Variants in ARHGAP39 observed in about 807,000 individuals in gnomAD.
The protein encoded by ARHGAP39 is rho GTPase-activating protein 39.
A neutral mutation model predicts 106.9 loss-of-function variants in ARHGAP39; 44 were observed. The observed-to-expected ratio is 0.41, with a 90% CI of 0.32 to 0.53. The LOEUF is 0.53. ARHGAP39 is among the 20% of genes least tolerant of loss of function. ARHGAP39 has a pLI of 0.21. For synonymous variants in ARHGAP39, 768 were observed against 693.2 expected, an observed-to-expected ratio of 1.11 and a Z score of -1.69; for missense variants, 1,496 against 1,577.3, an observed-to-expected ratio of 0.95 and a Z score of 0.87.
chr8:144,561,560 G>GATCGGACCCCAGTGGTTTCC (rs1306617062), intron 3 of ARHGAP39, among the ~76,000 whole-genome samples: 13 of 113,460 alleles, frequency 1.1e-4, no homozygotes, highest in Non-Finnish European at 2.4e-4. Flanking sequence ...CAGTGGTTTC[G>GATCGGACCCCAGTGGTTTCC]ATCGGACCCC....
At chr8:144,534,055 G>A in intron 8 of ARHGAP39, 74 bp downstream of exon 8, 1 of 1,537,460 alleles carries the variant, frequency 6.5e-7, no homozygotes, top group Admixed American at 1.7e-5. Flanking sequence ...ACTGCAGGCG[G>A]GGCTCCTGGG....
chr8:144,684,557 C>G lies in ARHGAP39; in HGVS notation c.-82+1129G>C, dbSNP rs1822527348. On this transcript the variant is annotated intron_variant, in intron 1 of 11. Transcript: ENST00000377307. The surrounding 1 kb of genome is among the most constrained non-coding windows in gnomAD (Gnocchi z 4.4). ...GGGCCCGGCTGCGTTTCCGAAGCTG[C>G]GCAGCGCCCACAGCAGCTGCTGGTG... Among the ~76,000 whole-genome samples, 1 of 152,196 alleles carries G rather than the reference C, an allele frequency of 6.6e-6. No individual in the cohort carries two copies. The highest frequency in any genetic ancestry group is 1.5e-5 in the Non-Finnish European group (1 of 68,032).
At position 144,661,903 on chromosome 8, in the gene ARHGAP39, G is replaced by A. The variant is rs371975864; in HGVS notation, c.-82+23783C>T. Among the ~76,000 whole-genome samples, 102 of 61,918 alleles carry A rather than the reference G, an allele frequency of 1.6e-3. 1 individual carries two copies. The highest frequency in any genetic ancestry group is 2.5e-3 in the Non-Finnish European group (73 of 29,452). 40.6% of individuals were successfully genotyped at this position (61,918 alleles called of 152,430 possible). ...TTCACCTTGGACAACCCCCCACCCC[G>A]CCCCCCTTTCCGCATCTCCATTATC... is the stretch of plus-strand genomic sequence containing the variant. On this transcript the variant is annotated intron_variant, in intron 1 of 11. Coordinates refer to ENST00000377307, the MANE Select transcript of ARHGAP39 (RefSeq NM_025251.3).
chr8:144,555,769 C>G lies in ARHGAP39; in HGVS notation c.513-126G>C, dbSNP rs1410525827. 7.5e-6 allele frequency: 6 copies of G among 802,550 alleles called. No homozygotes were observed. The East Asian group carries it at 1.5e-4, about 21-fold the overall frequency. 49.7% of individuals were successfully genotyped at this position (802,550 alleles called of 1,614,324 possible). On this transcript the variant is annotated intron_variant, in intron 3 of 11. Transcript: ENST00000377307. Reference sequence around the variant, plus strand: ...CCTGGAAATAACCTGGCTCCTGCCCCCAGGCTGTATTCTTCATCTTCTGCC... The same window carrying G: ...CCTGGAAATAACCTGGCTCCTGCCCGCAGGCTGTATTCTTCATCTTCTGCC...
At chr8:144,553,598 G>A (rs1042907728) in intron 4 of ARHGAP39, among the ~76,000 whole-genome samples, 4 of 152,308 alleles carry the variant, frequency 2.6e-5, no homozygotes, top group East Asian at 1.9e-4. Context: ...TACTCCCGTC[G>A]ACCCAGCCTC....
In ARHGAP39 at chr8:144,548,321, C is replaced by T; in HGVS notation, c.765G>A (p.Gln255=). ...PSGSQHSPSL[Q]TFAPEADGTI... Reference sequence around the variant, plus strand: ...TGCCGTCAGCCTCCGGGGCGAAGGTCTGCAGGCTGGGTGAGTGCTGGCTGC... The same window carrying T: ...TGCCGTCAGCCTCCGGGGCGAAGGTTTGCAGGCTGGGTGAGTGCTGGCTGC... Residue 255 remains glutamine, a synonymous_variant, in exon 5 of 12, where the codon CAG becomes CAA. Coordinates refer to ENST00000377307, the MANE Select transcript of ARHGAP39 (RefSeq NM_025251.3). The surrounding 1 kb of genome is among the most constrained non-coding windows in gnomAD (Gnocchi z 7.4). The T allele has an allele frequency of 6.2e-7, 1 of 1,608,408 alleles. No individual in the cohort carries two copies. The highest frequency in any genetic ancestry group is 8.5e-7 in the Non-Finnish European group (1 of 1,176,896).
At chr8:144,651,512 G>A (rs1395348070) in intron 1 of ARHGAP39, among the ~76,000 whole-genome samples, 2 of 152,096 alleles carry the variant, frequency 1.3e-5, no homozygotes, top group South Asian at 2.1e-4. Context: ...TGACTAGCCT[G>A]GCCAACATGG....
At chr8:144,666,592 TG>T (rs955508726) in intron 1 of ARHGAP39, among the ~76,000 whole-genome samples, 1 of 152,168 alleles carries the variant, frequency 6.6e-6, no homozygotes, top group South Asian at 2.1e-4. Context: ...AATGGGTTTA[TG>T]GGGGGCTTCT....
At chr8:144,552,332 T>C (rs1817736799) in intron 4 of ARHGAP39, among the ~76,000 whole-genome samples, 1 of 152,236 alleles carries the variant, frequency 6.6e-6, no homozygotes, top group Non-Finnish European at 1.5e-5. Flanking sequence ...CTGTCGCTCC[T>C]GAGAAGCGGC....
chr8:144,569,324 G>A (rs780452231), intron 3 of ARHGAP39, among the ~76,000 whole-genome samples: 18 of 152,188 alleles, frequency 1.2e-4, no homozygotes, highest in Admixed American at 4.6e-4. Flanking sequence ...AAATAAAAAT[G>A]TATGTCCAAA....
chr8:144,633,362 G>A (rs2130981050), intron 1 of ARHGAP39, among the ~76,000 whole-genome samples: 1 of 152,188 alleles, frequency 6.6e-6, no homozygotes, highest in Middle Eastern at 3.4e-3. Flanking sequence ...GGGAGGCTGA[G>A]GCAGGAGAAT....
intron 3 of ARHGAP39, among the ~76,000 whole-genome samples, chr8:144,562,185 C>G (rs1554921404): frequency 1.3e-5 from 2 of 151,332 alleles, no homozygotes. Flanking sequence ...CCATCACATC[C>G]CAGTGGTTTC....
intron 1 of ARHGAP39, among the ~76,000 whole-genome samples, chr8:144,639,995 C>T (rs1027160012): frequency 1.3e-5 from 2 of 152,152 alleles, no homozygotes; most frequent in African/African-American, 4.8e-5. Context: ...TCATGCAAGA[C>T]GTCTGGTTTT....
At chr8:144,659,538 A>G (rs1359302484) in intron 1 of ARHGAP39, among the ~76,000 whole-genome samples, 1 of 152,186 alleles carries the variant, frequency 6.6e-6, no homozygotes, top group African/African-American at 2.4e-5. Context: ...CCTCTGATCT[A>G]AGAGTGGAGA....
At chr8:144,570,008 G>A (rs1262947700) in intron 3 of ARHGAP39, among the ~76,000 whole-genome samples, 1 of 152,134 alleles carries the variant, frequency 6.6e-6, no homozygotes, top group Non-Finnish European at 1.5e-5. Context: ...ATCACTTGAG[G>A]TCAAGAGTTC....
At chr8:144,597,613 C>CCGG (rs1819670578) in intron 2 of ARHGAP39, among the ~76,000 whole-genome samples, 2 of 152,200 alleles carry the variant, frequency 1.3e-5, no homozygotes, top group South Asian at 4.1e-4. Context: ...GGGGTCAAGA[C>CCGG]TGTAATCAAT....
chr8:144,619,675 C>G (rs568855426), intron 1 of ARHGAP39, among the ~76,000 whole-genome samples: 2 of 146,176 alleles, frequency 1.4e-5, no homozygotes, highest in Non-Finnish European at 3.0e-5. Context: ...CCTGAGAGCA[C>G]GTATGCCTGT....
chr8:144,678,788 G>A (rs917431537), intron 1 of ARHGAP39, among the ~76,000 whole-genome samples: 30 of 152,294 alleles, frequency 2.0e-4, no homozygotes, highest in African/African-American at 5.3e-4. Flanking sequence ...GCAGGAGGGC[G>A]GGGAGTGGTG....
rs558101537 is a variant in ARHGAP39 at position 144,607,627 on chromosome 8, TAA to T, written c.-81-1934_-81-1933del. ...CTAGCTGTGCTAATTCAAGGGGAAA[TAA>T]AAAAGACTCAAGCCCCAGAAGAGAG... is the stretch of plus-strand genomic sequence containing the variant. On this transcript the variant is annotated intron_variant, in intron 1 of 11. Coordinates refer to ENST00000377307, the MANE Select transcript of ARHGAP39 (RefSeq NM_025251.3). Among the ~76,000 whole-genome samples the T allele has an allele frequency of 2.0e-3, 301 of 150,232 alleles. 1 individual carries two copies. Among genetic ancestry groups the T allele is most frequent in the African/African-American group, 7.1e-3 (287 of 40,680 alleles).
Sources: allele counts gnomAD v4.1 joint callset (sites outside exome capture counted in the v4.1 genomes callset), GRCh38; gene constraint gnomAD v4.1.1; non-coding constraint Gnocchi (gnomAD v3.1); transcripts MANE v1.5; gene names NCBI Gene and HGNC (gene_info 2026-07-23, HGNC 2026-07-21).